RIF1: variants seen among roughly 807,000 people sequenced by gnomAD.
The protein encoded by RIF1 is telomere-associated protein RIF1.
In RIF1, 45 loss-of-function variants were observed where a neutral mutation model predicts 247.1. The observed-to-expected ratio is 0.18, with a 90% confidence interval of 0.14 to 0.23. The LOEUF (loss-of-function observed/expected upper bound fraction) is 0.23, where lower values mean the gene tolerates loss of function less well. RIF1 is among the 10% of genes least tolerant of loss of function. The probability of loss-of-function intolerance (pLI) is 1.00; values close to 1 mark genes in which losing one functional copy is unlikely to be tolerated. For synonymous variants in RIF1, 1,087 were observed against 978.8 expected (o/e 1.11, Z -2.06); for missense variants, 2,967 against 2,862.5 (o/e 1.04, Z -0.83).
At chr2:151,492,531 C>A in intron 9 of RIF1, 2 of 1,473,270 alleles carry the variant, frequency 1.4e-6, no homozygotes, top group Admixed American at 1.8e-5. Context: ...TGGTGCTGTC[C>A]TAAATCTGAA....
rs774832385 is a variant in RIF1, at chr2:151,416,827, A to G, written c.429A>G (p.Ser143=). The part of the protein sequence containing the change: ...VGKMVSSIID[S]LEILFNKGET... ...TTTAGGTATCCAGTATAATTGATTC[A>G]TTAGAAATACTGTTTAACAAAGGAG... Residue 143 remains serine (S), a synonymous_variant, in exon 6 of 36, where the codon TCA becomes TCG. Coordinates refer to ENST00000444746, the MANE Select transcript of RIF1 (RefSeq NM_018151.5). The G allele has an allele frequency of 9.9e-6, 16 of 1,611,938 alleles. 1 individual carries two copies. The South Asian group carries it at 1.7e-4, about 17-fold the overall frequency.
At chr2:151,470,757 T>C (rs1478589710) in intron 34 of RIF1, among the ~76,000 whole-genome samples, 1 of 152,184 alleles carries the variant, frequency 6.6e-6, no homozygotes, top group Non-Finnish European at 1.5e-5. Flanking sequence ...TATTAACTTA[T>C]TTGTGATCTT....
At chr2:151,517,293 G>A in the RIF1 span, among the ~76,000 whole-genome samples, 65 of 152,172 alleles carry the variant, frequency 4.3e-4, no homozygotes, top group African/African-American at 1.4e-3. Context: ...CCTCATGCAC[G>A]CAGCACCTTG....
At chr2:151,512,725 G>T (rs1262014406), downstream of RIF1, 1 of 1,601,188 alleles carries the variant, frequency 6.2e-7, no homozygotes, top group African/African-American at 1.3e-5. Flanking sequence ...CATGACGAAT[G>T]TCCTTACCTG....
At chr2:151,505,598 G>A (rs2068145528) in intron 12 of RIF1, 1 of 1,551,816 alleles carries the variant, frequency 6.4e-7, no homozygotes, top group South Asian at 1.1e-5. Flanking sequence ...GGAAAAGAAA[G>A]GTATTATTAC....
downstream of RIF1, among the ~76,000 whole-genome samples, chr2:151,512,995 A>G (rs1330400882): frequency 6.6e-6 from 1 of 152,216 alleles, no homozygotes; most frequent in Non-Finnish European, 1.5e-5. Flanking sequence ...ATAGTTTTAT[A>G]CCAAAGAGTG....
intron 10 of RIF1, among the ~76,000 whole-genome samples, chr2:151,495,985 CAA>C (rs1340855035): frequency 3.3e-5 from 5 of 152,118 alleles, no homozygotes; most frequent in South Asian, 2.1e-4. Flanking sequence ...ATATCTAAAA[CAA>C]AGAGACCTTG....
At chr2:151,432,603 T>G (rs547734791) in intron 9 of RIF1, among the ~76,000 whole-genome samples, 1 of 152,366 alleles carries the variant, frequency 6.6e-6, no homozygotes, top group African/African-American at 2.4e-5. Flanking sequence ...AAACATATGC[T>G]TCCGTTTCTT....
At chr2:151,499,666 C>A in intron 11 of RIF1, 1 of 289,968 alleles carries the variant, frequency 3.4e-6, no homozygotes, top group Non-Finnish European at 6.5e-6. Flanking sequence ...CAAATAATTT[C>A]CTAAGACCAC....
the RIF1 span, among the ~76,000 whole-genome samples, chr2:151,533,007 G>C: frequency 6.6e-6 from 1 of 152,150 alleles, no homozygotes; most frequent in Admixed American, 6.5e-5. Context: ...TCATAGAGCT[G>C]CACGGTAATC....
chr2:151,468,610 C>G lies in RIF1; in HGVS notation c.6826-31C>G, dbSNP rs756137922. 5 of 1,604,802 alleles carry G rather than the reference C, an allele frequency of 3.1e-6. No individual in the cohort carries two copies. The African/African-American group carries it at 5.4e-5, about 17-fold the overall frequency. On this transcript the variant is annotated intron_variant, in intron 32 of 35. Coordinates refer to ENST00000444746, the MANE Select transcript of RIF1 (RefSeq NM_018151.5). ...ATTTTCATGTTCAGTCAGTTGACCT[C>G]TGTGTAACAGCTTCTGAAATTTATT...
chr2:151,416,486 T>C, intron 4 of RIF1, 75 bp from the exon 5 acceptor site: 1 of 1,294,170 alleles, frequency 7.7e-7, no homozygotes, highest in South Asian at 1.5e-5. Context: ...AGTATATTGT[T>C]TTCTCTAGTT....
intron 12 of RIF1, chr2:151,503,353 C>T: frequency 6.2e-7 from 1 of 1,605,648 alleles, no homozygotes. Flanking sequence ...AAATACCGAG[C>T]TAAAGTTCTC....
chr2:151,432,004 GTTAT>G (rs928538560), intron 9 of RIF1, among the ~76,000 whole-genome samples: 4 of 152,020 alleles, frequency 2.6e-5, no homozygotes, highest in South Asian at 4.1e-4. Flanking sequence ...TCCTTTTCAA[GTTAT>G]TTATTTATTT....
chr2:151,483,657 A>T (rs2049279261), downstream of RIF1, among the ~76,000 whole-genome samples: 1 of 151,926 alleles, frequency 6.6e-6, no homozygotes, highest in South Asian at 2.1e-4. Flanking sequence ...ACCTATGCAC[A>T]TTCTCCCATA....
At chr2:151,514,101 G>T in the RIF1 span, among the ~76,000 whole-genome samples, 1 of 152,182 alleles carries the variant, frequency 6.6e-6, no homozygotes, top group Non-Finnish European at 1.5e-5. Flanking sequence ...AATAGATTAT[G>T]ATAACCACTA....
At chr2:151,520,042 A>C in the RIF1 span, 1 of 186,904 alleles carries the variant, frequency 5.4e-6, no homozygotes, top group Non-Finnish European at 1.0e-5. Flanking sequence ...TGCAAAACAA[A>C]AAAAAAAAAA....
At chr2:151,496,478 G>A (rs2060245984) in intron 10 of RIF1, 1 of 1,466,004 alleles carries the variant, frequency 6.8e-7, no homozygotes, top group Non-Finnish European at 9.2e-7. Context: ...GTCGTCCAAG[G>A]AGCCAGAAGT....
the RIF1 span, among the ~76,000 whole-genome samples, chr2:151,530,237 C>A: frequency 6.6e-6 from 1 of 152,056 alleles, no homozygotes; most frequent in Non-Finnish European, 1.5e-5. Context: ...TGGAGACATA[C>A]CTAGCAAGTT....
Sources: allele counts gnomAD v4.1 joint callset (sites outside exome capture counted in the v4.1 genomes callset), GRCh38; gene constraint gnomAD v4.1.1; transcripts MANE v1.5; gene names NCBI Gene and HGNC (gene_info 2026-07-23, HGNC 2026-07-21).